RARB: variants seen among roughly 807,000 people sequenced by gnomAD.
RARB encodes HBV-activated protein.
A neutral mutation model predicts 51.9 loss-of-function variants in RARB; 17 were observed. The observed-to-expected ratio is 0.33, with a 90% CI of 0.22 to 0.49. The LOEUF is 0.49. RARB is among the 20% of genes least tolerant of loss of function. The probability of loss-of-function intolerance (pLI) is 0.99; values close to 1 mark genes in which losing one functional copy is unlikely to be tolerated. For synonymous variants in RARB, 215 were observed against 195.4 expected, an observed-to-expected ratio of 1.10 and a Z score of -0.84; for missense variants, 369 against 550.8, an observed-to-expected ratio of 0.67 and a Z score of 3.30.
chr3:25,585,618 T>C (rs1354004944), intron 5 of RARB, among the ~76,000 whole-genome samples: 2 of 152,202 alleles, frequency 1.3e-5, no homozygotes, highest in East Asian at 1.9e-4. Flanking sequence ...GGAAAGCTGG[T>C]ATGCCACAGT....
At position 25,543,072 on chromosome 3, in the gene RARB, C is replaced by G. The variant is rs560164110; in HGVS notation, c.449-26686C>G. Among the ~76,000 whole-genome samples the G allele has an allele frequency of 9.3e-4, 142 of 152,226 alleles. 1 individual carries two copies. The highest frequency in any genetic ancestry group is 2.4e-4 in the Non-Finnish European group (16 of 68,016). On this transcript the variant is annotated intron_variant, in intron 3 of 7. Transcript: ENST00000330688. The stretch of plus-strand genomic sequence containing the variant: ...TAATGTCTGTTGACATTTATAACAC[C>G]TGGAAGAGATACTAGTAGAGCCAGG...
chr3:25,431,934 C>T (rs903904170), intron 1 of RARB, among the ~76,000 whole-genome samples: 1 of 152,040 alleles, frequency 6.6e-6, no homozygotes, highest in African/African-American at 2.4e-5. Context: ...GTGGCAAAAT[C>T]AAAGATACCC....
At chr3:25,372,165 G>T (rs368818239) in intron 5 of RARB, among the ~76,000 whole-genome samples, 1 of 152,236 alleles carries the variant, frequency 6.6e-6, no homozygotes, top group East Asian at 1.9e-4. Context: ...ATTTTAAACA[G>T]GAGCATGACA....
At chr3:25,405,924 A>G (rs1707394242) in intron 5 of RARB, among the ~76,000 whole-genome samples, 3 of 150,892 alleles carry the variant, frequency 2.0e-5, no homozygotes, top group African/African-American at 7.3e-5. Flanking sequence ...GACTGTCCAG[A>G]GGGACGGCAT....
intron 3 of RARB, among the ~76,000 whole-genome samples, chr3:25,080,429 C>A (rs1020324686): frequency 2.0e-5 from 3 of 152,198 alleles, no homozygotes; most frequent in Non-Finnish European, 4.4e-5. Flanking sequence ...CTGCTCTCAA[C>A]TGTTAAAGTA....
chr3:25,510,090 T>G (rs925874770), intron 3 of RARB, among the ~76,000 whole-genome samples: 3 of 152,166 alleles, frequency 2.0e-5, no homozygotes, highest in Admixed American at 1.3e-4. Context: ...CCCCAAGACT[T>G]CAGGTTATCC....
intron 3 of RARB, among the ~76,000 whole-genome samples, chr3:25,090,648 T>C (rs982577587): frequency 6.6e-6 from 1 of 152,142 alleles, no homozygotes; most frequent in Non-Finnish European, 1.5e-5. Context: ...ATATAGACAA[T>C]GAATCTCTTC....
chr3:25,569,420 T>C (rs1294307272), intron 3 of RARB, among the ~76,000 whole-genome samples: 4 of 152,126 alleles, frequency 2.6e-5, no homozygotes, highest in African/African-American at 9.7e-5. Flanking sequence ...CATTTGAGGG[T>C]AAAGCTCTTG....
At chr3:25,072,344 G>C (rs1248778337) in intron 3 of RARB, among the ~76,000 whole-genome samples, 2 of 152,186 alleles carry the variant, frequency 1.3e-5, no homozygotes, top group Non-Finnish European at 2.9e-5. Context: ...GATCTGTGAA[G>C]ACCCAGTGCT....
intron 5 of RARB, among the ~76,000 whole-genome samples, chr3:25,263,638 T>C (rs979042462): frequency 6.6e-6 from 1 of 152,194 alleles, no homozygotes; most frequent in Non-Finnish European, 1.5e-5. Context: ...AAATGAGCCA[T>C]GTATTGTCTT....
chr3:24,975,938 G>C (rs1388394389), intron 2 of RARB, among the ~76,000 whole-genome samples: 7 of 152,080 alleles, frequency 4.6e-5, no homozygotes, highest in African/African-American at 7.2e-5. Context: ...CCCAACAACA[G>C]GCCCCAGTGT....
intron 5 of RARB, among the ~76,000 whole-genome samples, chr3:25,303,582 G>C (rs1324915126): frequency 6.6e-6 from 1 of 152,142 alleles, no homozygotes; most frequent in East Asian, 1.9e-4. Flanking sequence ...GCAGATACCA[G>C]CAGACATTTG....
At chr3:25,545,242 G>T (rs75264900) in intron 3 of RARB, among the ~76,000 whole-genome samples, 6,285 of 152,224 alleles carry the variant, frequency 0.041, 162 homozygotes, top group Non-Finnish European at 0.062. Flanking sequence ...ACCATTCCTG[G>T]CCTGGTGGCT....
chr3:24,989,526 CTGGCTGCTAGGTTTG>C (rs1696866224), intron 2 of RARB, among the ~76,000 whole-genome samples: 1 of 109,172 alleles, frequency 9.2e-6, no homozygotes. Flanking sequence ...TAATGTTTGC[CTGGCTGCTAGGTTTG>C]AAATATCATC....
intron 3 of RARB, among the ~76,000 whole-genome samples, chr3:25,090,996 A>G (rs1699188458): frequency 6.6e-6 from 1 of 152,210 alleles, no homozygotes; most frequent in African/African-American, 2.4e-5. Context: ...GTTAAAGGAC[A>G]TAATGAACAG....
intron 5 of RARB, among the ~76,000 whole-genome samples, chr3:25,294,722 G>A (rs1237568849): frequency 3.4e-5 from 3 of 87,142 alleles, no homozygotes; most frequent in Admixed American, 9.6e-5. Flanking sequence ...GCCCGTTGGC[G>A]GAAGCTTCCT....
At chr3:25,229,655 C>A (rs532965530) in intron 5 of RARB, among the ~76,000 whole-genome samples, 12 of 149,840 alleles carry the variant, frequency 8.0e-5, no homozygotes, top group Admixed American at 2.0e-4. Flanking sequence ...GAATGGGCAC[C>A]CTTTTTTTTT....
chr3:25,516,425 A>C lies in RARB; in HGVS notation c.448+15102A>C, dbSNP rs1698162550. 2.0e-5 allele frequency among the ~76,000 whole-genome samples: 3 copies of C among 152,132 alleles called. No individual in the cohort carries two copies. The South Asian group carries it at 6.2e-4, about 31-fold the overall frequency. On this transcript the variant is annotated intron_variant, in intron 3 of 7. Transcript: ENST00000330688. The stretch of plus-strand genomic sequence containing the variant: ...TAATTAGCTAATTATTCTTTTTTCC[A>C]TAATTAAAAAAAGCAAGGTGCTTTA...
rs771435459 is a variant in RARB, at chr3:25,428,758, A to G, written c.27A>G (p.Ser9=). 1.2e-6 allele frequency: 2 copies of G among 1,614,082 alleles called. No homozygotes were observed. The highest frequency in any genetic ancestry group is 1.1e-5 in the South Asian group (1 of 91,080). Reference sequence around the variant, plus strand: ...TGTTTGACTGTATGGATGTTCTGTCAGTGAGTCCTGGGCAAATCCTGGATT... The same window carrying G: ...TGTTTGACTGTATGGATGTTCTGTCGGTGAGTCCTGGGCAAATCCTGGATT... MFDCMDVL[S]VSPGQILDFY... is the part of the protein sequence containing the mutation. Residue 9 remains serine (S), a synonymous_variant, in exon 1 of 8, where the codon TCA becomes TCG. Transcript: ENST00000330688.
Sources: gnomAD v4.1 joint callset for allele counts (sites outside exome capture counted in the v4.1 genomes callset) on GRCh38, gnomAD v4.1.1 for gene constraint, MANE v1.5 for transcripts, NCBI Gene and HGNC (gene_info 2026-07-23, HGNC 2026-07-21) for gene names.